CSMD1: variants seen among roughly 807,000 people sequenced by gnomAD.
CSMD1 encodes CUB and sushi domain-containing protein 1.
In CSMD1, 213 loss-of-function variants were observed where a neutral mutation model predicts 417.5. The ratio of observed to expected loss-of-function variants is 0.51; its 90% CI spans 0.46 to 0.57. The LOEUF is 0.57. Among genes scored for constraint, CSMD1 ranks in the 20% least tolerant of loss-of-function variants. The pLI is 0.00. For missense variants in CSMD1, 6,923 were observed against 4,529.7 expected, an observed-to-expected ratio of 1.53 and a Z score of -15.17; for synonymous variants, 2,862 against 1,736.8, an observed-to-expected ratio of 1.65 and a Z score of -16.11.
At chr8:3,891,077 C>A (rs899057528) in intron 5 of CSMD1, among the ~76,000 whole-genome samples, 11 of 151,584 alleles carry the variant, frequency 7.3e-5, no homozygotes, top group African/African-American at 2.7e-4. Context: ...GAGACAGGAT[C>A]TCACTCTGTC....
At chr8:3,855,014 CG>C (rs1804195147) in intron 5 of CSMD1, among the ~76,000 whole-genome samples, 1 of 152,008 alleles carries the variant, frequency 6.6e-6, no homozygotes, top group Non-Finnish European at 1.5e-5. Context: ...CATACACATT[CG>C]GAAATAAACA....
chr8:3,915,564 A>C (rs908910547), intron 5 of CSMD1, among the ~76,000 whole-genome samples: 1 of 151,796 alleles, frequency 6.6e-6, no homozygotes, highest in African/African-American at 2.4e-5. Context: ...AGGATGAATA[A>C]TTCTATAATA....
intron 1 of CSMD1, among the ~76,000 whole-genome samples, chr8:4,673,944 A>C (rs969649454): frequency 1.3e-5 from 2 of 152,328 alleles, no homozygotes; most frequent in Non-Finnish European, 2.9e-5. Context: ...AAATTAATAA[A>C]GGAGGTGATT....
chr8:4,072,863 A>C (rs1001642421), intron 3 of CSMD1, among the ~76,000 whole-genome samples: 4 of 152,200 alleles, frequency 2.6e-5, no homozygotes, highest in Non-Finnish European at 5.9e-5. Context: ...AGAAGCTTGA[A>C]AATAAACCCA....
chr8:4,652,927 T>A (rs900557467), intron 1 of CSMD1, among the ~76,000 whole-genome samples: 1 of 151,248 alleles, frequency 6.6e-6, no homozygotes, highest in Admixed American at 6.6e-5. Context: ...GGAGTTCAGG[T>A]GGTAATGTGA....
intron 3 of CSMD1, among the ~76,000 whole-genome samples, chr8:4,281,142 C>G (rs1425606607): frequency 6.6e-6 from 1 of 152,106 alleles, no homozygotes; most frequent in African/African-American, 2.4e-5. Flanking sequence ...ACTCAGCCCT[C>G]GGGAGCACCT....
intron 4 of CSMD1, among the ~76,000 whole-genome samples, chr8:4,021,452 C>G (rs944786850): frequency 1.3e-5 from 2 of 152,092 alleles, no homozygotes; most frequent in Non-Finnish European, 2.9e-5. Context: ...TACTAAGGAC[C>G]TGGCTTTTGT....
At chr8:3,385,076 ATAT>A (rs550304318) in intron 18 of CSMD1, among the ~76,000 whole-genome samples, 1,822 of 113,482 alleles carry the variant, frequency 0.016, 57 homozygotes, top group African/African-American at 0.061. Context: ...ATAAATATAT[ATAT>A]AATTTATATA....
intron 5 of CSMD1, among the ~76,000 whole-genome samples, chr8:3,833,656 G>A (rs550835335): frequency 1.2e-4 from 18 of 152,014 alleles, no homozygotes; most frequent in Admixed American, 9.8e-4. Flanking sequence ...GTGTTTGTAT[G>A]GGACAACTTT....
At chr8:4,583,212 G>A (rs193234675) in intron 2 of CSMD1, among the ~76,000 whole-genome samples, 15 of 152,288 alleles carry the variant, frequency 9.8e-5, no homozygotes, top group African/African-American at 1.4e-4. Context: ...TGAGGAATGC[G>A]GGCACACGGC....
intron 41 of CSMD1, among the ~76,000 whole-genome samples, chr8:3,132,449 T>C (rs369961762): frequency 6.6e-6 from 1 of 152,104 alleles, no homozygotes; most frequent in African/African-American, 2.4e-5. Context: ...TATTCAAAAA[T>C]GGAAATAATT....
At chr8:3,990,042 C>G (rs940464445) in intron 5 of CSMD1, among the ~76,000 whole-genome samples, 5 of 152,176 alleles carry the variant, frequency 3.3e-5, no homozygotes, top group African/African-American at 4.8e-5. Context: ...GAGAGTTAAG[C>G]AGCATTATTT....
At chr8:4,475,867 G>C (rs866580870) in intron 2 of CSMD1, among the ~76,000 whole-genome samples, 9 of 151,932 alleles carry the variant, frequency 5.9e-5, no homozygotes, top group Admixed American at 4.6e-4. Context: ...CCTGCCTTAC[G>C]CTCCGAAAGT....
intron 26 of CSMD1, among the ~76,000 whole-genome samples, chr8:3,239,153 G>A (rs577753213): frequency 1.3e-5 from 2 of 152,280 alleles, no homozygotes; most frequent in South Asian, 2.1e-4. Flanking sequence ...TGGTGGCTGA[G>A]CTTGGTAAGG....
At chr8:3,990,623 C>A (rs530125576) in intron 5 of CSMD1, among the ~76,000 whole-genome samples, 1 of 152,166 alleles carries the variant, frequency 6.6e-6, no homozygotes, top group Non-Finnish European at 1.5e-5. Context: ...TTTATTGAAA[C>A]TCTGGTATTT....
chr8:3,897,454 G>C (rs1412203205), intron 5 of CSMD1, among the ~76,000 whole-genome samples: 4 of 152,056 alleles, frequency 2.6e-5, no homozygotes, highest in Admixed American at 1.3e-4. Context: ...TGATCTTAAA[G>C]TCATGCATAT....
At chr8:3,924,018 A>C (rs1809465362) in intron 5 of CSMD1, among the ~76,000 whole-genome samples, 1 of 152,228 alleles carries the variant, frequency 6.6e-6, no homozygotes, top group African/African-American at 2.4e-5. Flanking sequence ...TCTTGCTGCT[A>C]ATAAGTGTCC....
chr8:3,491,132 G>C (rs952449144), intron 11 of CSMD1, among the ~76,000 whole-genome samples: 1 of 152,166 alleles, frequency 6.6e-6, no homozygotes, highest in African/African-American at 2.4e-5. Context: ...AGAAGTGAAA[G>C]AATGCGGTGA....
intron 5 of CSMD1, among the ~76,000 whole-genome samples, chr8:3,754,604 G>C (rs965759682): frequency 6.6e-6 from 1 of 152,092 alleles, no homozygotes; most frequent in Non-Finnish European, 1.5e-5. Flanking sequence ...ACAGGCATGC[G>C]CCATCATGCC....
Sources: allele counts gnomAD v4.1 joint callset (sites outside exome capture counted in the v4.1 genomes callset), GRCh38; gene constraint gnomAD v4.1.1; transcripts MANE v1.5; gene names NCBI Gene and HGNC (gene_info 2026-07-23, HGNC 2026-07-21).